The following NFIX variants were observed in gnomAD, a reference collection of about 807,000 sequenced individuals.
NFIX encodes the protein nuclear factor 1 X-type.
NFIX carries 2 observed loss-of-function variants against 53.3 expected under a neutral mutation model. That is an observed-to-expected ratio of 0.04 (90% CI 0.02 to 0.12). NFIX has a LOEUF of 0.12. NFIX is among the 10% of genes least tolerant of loss of function. The pLI is 1.00. For missense variants in NFIX, 310 were observed against 674.5 expected (o/e 0.46, Z 5.99); for synonymous variants, 244 against 289.0 (o/e 0.84, Z 1.58).
intron 2 of NFIX, among the ~76,000 whole-genome samples, chr19:13,032,385 A>G (rs1322045326): frequency 6.6e-6 from 1 of 152,198 alleles, no homozygotes; most frequent in Non-Finnish European, 1.5e-5. Flanking sequence ...CTTATGTGCT[A>G]GGCCTAAGGG....
chr19:13,080,866 G>T (rs990122138), intron 7 of NFIX, among the ~76,000 whole-genome samples: 1 of 152,248 alleles, frequency 6.6e-6, no homozygotes, highest in Admixed American at 6.5e-5. Context: ...CGGGCGTGGT[G>T]GTGGGCGCCT....
At chr19:13,057,904 T>G (rs996594724) in intron 2 of NFIX, among the ~76,000 whole-genome samples, 10 of 152,176 alleles carry the variant, frequency 6.6e-5, no homozygotes, top group Non-Finnish European at 1.5e-5. Context: ...TTTTTCCTTT[T>G]CCCTTTTAGC....
chr19:13,042,355 C>CTT (rs35785662), intron 2 of NFIX, among the ~76,000 whole-genome samples: 1,558 of 100,552 alleles, frequency 0.015, 35 homozygotes, highest in Middle Eastern at 0.019. Context: ...CTTTTACATG[C>CTT]TTTTTTTTTT....
At chr19:13,086,005 G>C (rs553513921) in intron 8 of NFIX, among the ~76,000 whole-genome samples, 1 of 152,338 alleles carries the variant, frequency 6.6e-6, no homozygotes, top group African/African-American at 2.4e-5. Flanking sequence ...AGAAAGATAG[G>C]TTGTGATTCA....
Position 13,081,926 on chromosome 19 carries a change from A to G in NFIX, c.1254+71A>G. 4.5e-6 allele frequency: 7 copies of G among 1,565,596 alleles called. No homozygotes were observed. Among genetic ancestry groups the G allele is most frequent in the South Asian group, 1.1e-5 (1 of 87,470 alleles). ...CATCTATCTGTCTGTCTCAGGGCTC[A>G]CAGGGAGAGGGCCCAAAAGCCAGGA... On this transcript the variant is annotated intron_variant, in intron 8 of 10. Transcript: ENST00000592199. The surrounding 1 kb of genome is among the most constrained non-coding windows in gnomAD (Gnocchi z 4.7).
chr19:13,017,497 A>G (rs1178875900), intron 1 of NFIX, among the ~76,000 whole-genome samples: 2 of 152,172 alleles, frequency 1.3e-5, no homozygotes, highest in Non-Finnish European at 2.9e-5. Flanking sequence ...GGTGGTGAGG[A>G]GAAATCCTTC....
chr19:13,055,630 G>A (rs2015622195), intron 2 of NFIX, among the ~76,000 whole-genome samples: 1 of 152,220 alleles, frequency 6.6e-6, no homozygotes, highest in East Asian at 1.9e-4. Flanking sequence ...AGGGCTGGGG[G>A]AGGGGGGGGT....
Position 13,001,599 on chromosome 19 carries a change from G to A in NFIX, c.27+5735G>A, listed in dbSNP as rs866777812. 5.3e-5 allele frequency among the ~76,000 whole-genome samples: 8 copies of A among 152,210 alleles called. No homozygotes were observed. The highest frequency in any genetic ancestry group is 8.8e-5 in the Non-Finnish European group (6 of 68,042). On this transcript the variant is annotated intron_variant, in intron 1 of 10. Coordinates refer to ENST00000592199, the MANE Select transcript of NFIX (RefSeq NM_001365902.3). The surrounding 1 kb of genome is among the most constrained non-coding windows in gnomAD (Gnocchi z 6.5). ...GGGTGTCTGTGCGTCACGGCAAAGA[G>A]TGTATCCGTGTGTCTCACACACGTG...
chr19:13,016,273 ATGGTGGGAGGGCT>A, intron 1 of NFIX, among the ~76,000 whole-genome samples: 1 of 152,208 alleles, frequency 6.6e-6, no homozygotes, highest in Admixed American at 6.5e-5. Flanking sequence ...CCTGCTAGGA[ATGGTGGGAGGGCT>A]TGTAAAAAAT....
chr19:13,020,518 A>AG lies in NFIX; in HGVS notation c.28-4502dup, dbSNP rs2145176952. 2.0e-5 allele frequency among the ~76,000 whole-genome samples: 3 copies of AG among 152,342 alleles called. 1 individual carries two copies. The South Asian group carries it at 6.2e-4, about 32-fold the overall frequency. On this transcript the variant is annotated intron_variant, in intron 1 of 10. Transcript: ENST00000592199. Reference sequence around the variant, plus strand: ...CCTCCACTGGGAGCCAGCAGCCCATAGAGAGAATGGGGTGAGGGGAAAGTA... The same window carrying AG: ...CCTCCACTGGGAGCCAGCAGCCCATAGGAGAGAATGGGGTGAGGGGAAAGTA...
Position 13,072,291 on chromosome 19 carries a change from C to T in NFIX, c.560-756C>T, listed in dbSNP as rs1377353790. Among the ~76,000 whole-genome samples, 1 of 152,254 alleles carries T rather than the reference C, an allele frequency of 6.6e-6. No homozygotes were observed. Among genetic ancestry groups the T allele is most frequent in the African/African-American group, 2.4e-5 (1 of 41,464 alleles). The stretch of plus-strand genomic sequence containing the variant: ...CACACACACTCCACCCTGCCCCCAG[C>T]CCTCTGTGAGCTCCCACTGCACAAT... On this transcript the variant is annotated intron_variant, in intron 2 of 10. Transcript: ENST00000592199. The surrounding 1 kb of genome is among the most constrained non-coding windows in gnomAD (Gnocchi z 4.0).
At chr19:13,074,581 A>T (rs1425971854) in intron 5 of NFIX, among the ~76,000 whole-genome samples, 1 of 148,818 alleles carries the variant, frequency 6.7e-6, no homozygotes, top group Non-Finnish European at 1.5e-5. Flanking sequence ...TTAGGAGGCC[A>T]TTGGAAAGGC....
rs3982404 is a variant in NFIX, at chr19:13,067,483, C to CGTGT, written c.560-5545_560-5542dup. On this transcript the variant is annotated intron_variant, in intron 2 of 10. Transcript: ENST00000592199. This position sits in a 1 kb window ranked among gnomAD's most constrained non-coding sequence, Gnocchi z 4.2. ...GCGCGCGTGTGTGTGTGTGTGTGTGCGTGTGTGTGTGTGTGTGTGTGTATG... is the reference window on the plus strand; with the variant it reads ...GCGCGCGTGTGTGTGTGTGTGTGTGCGTGTGTGTGTGTGTGTGTGTGTGTGTATG... 8.1e-5 allele frequency among the ~76,000 whole-genome samples: 12 copies of CGTGT among 147,424 alleles called. No homozygotes were observed. The highest frequency in any genetic ancestry group is 4.3e-4 in the South Asian group (2 of 4,652).
chr19:13,019,058 T>A (rs1358824355), intron 1 of NFIX, among the ~76,000 whole-genome samples: 1 of 152,220 alleles, frequency 6.6e-6, no homozygotes, highest in Non-Finnish European at 1.5e-5. Context: ...TGGGCCCAAG[T>A]GTCCAGGATC....
chr19:13,071,178 T>C (rs962510118), intron 2 of NFIX: 1 of 152,264 alleles, frequency 6.6e-6, no homozygotes, highest in African/African-American at 2.4e-5. Flanking sequence ...GCTCTGCACA[T>C]GGGTCCTGAG....
rs777945945 is a variant in NFIX at position 13,002,782 on chromosome 19, C to G, written c.27+6918C>G. Among the ~76,000 whole-genome samples the G allele has an allele frequency of 2.9e-4, 44 of 152,280 alleles. No individual in the cohort carries two copies. Among genetic ancestry groups the G allele is most frequent in the Non-Finnish European group, 5.6e-4 (38 of 67,984 alleles). On this transcript the variant is annotated intron_variant, in intron 1 of 10. Transcript: ENST00000592199. The surrounding 1 kb of genome is among the most constrained non-coding windows in gnomAD (Gnocchi z 6.1). ...GGGGTTGCACTGGGGAGCTCTCCCC[C>G]CACTGGGCCCCACCCTGAGGGGAGC...
At chr19:13,062,238 G>A (rs1000119571) in intron 2 of NFIX, among the ~76,000 whole-genome samples, 1 of 152,156 alleles carries the variant, frequency 6.6e-6, no homozygotes, top group Non-Finnish European at 1.5e-5. Flanking sequence ...GAACCAGCTC[G>A]GCTTTGCAGG....
In NFIX at chr19:13,002,396, C is replaced by G. The variant is rs925891166; in HGVS notation, c.27+6532C>G. On this transcript the variant is annotated intron_variant, in intron 1 of 10. Coordinates refer to ENST00000592199, the MANE Select transcript of NFIX (RefSeq NM_001365902.3). This position sits in a 1 kb window ranked among gnomAD's most constrained non-coding sequence, Gnocchi z 6.1. ...AACCCCCCCTTCCTCACCACCTCCC[C>G]CCTCCCGAGGAGCCCCTCTGAGGGC... 1.3e-5 allele frequency among the ~76,000 whole-genome samples: 2 copies of G among 152,148 alleles called. No homozygotes were observed. Among genetic ancestry groups the G allele is most frequent in the African/African-American group, 2.4e-5 (1 of 41,448 alleles).
chr19:13,001,208 C>T lies in NFIX; in HGVS notation c.27+5344C>T, dbSNP rs1244042258. Among the ~76,000 whole-genome samples the T allele has an allele frequency of 3.9e-5, 6 of 152,194 alleles. No homozygotes were observed. Among genetic ancestry groups the T allele is most frequent in the Admixed American group, 6.5e-5 (1 of 15,286 alleles). Reference sequence around the variant, plus strand: ...AGCCACTATCTGGGTTCTCCCAGATCGGTGTGCATGTTAATCGGCATGTCA... The same window carrying T: ...AGCCACTATCTGGGTTCTCCCAGATTGGTGTGCATGTTAATCGGCATGTCA... On this transcript the variant is annotated intron_variant, in intron 1 of 10. Transcript: ENST00000592199. The surrounding 1 kb of genome is among the most constrained non-coding windows in gnomAD (Gnocchi z 6.5).
Sources: allele counts gnomAD v4.1 joint callset (sites outside exome capture counted in the v4.1 genomes callset), GRCh38; gene constraint gnomAD v4.1.1; non-coding constraint Gnocchi (gnomAD v3.1); transcripts MANE v1.5; gene names NCBI Gene and HGNC (gene_info 2026-07-23, HGNC 2026-07-21).